The following SEL1L2 variants were observed in gnomAD, a reference collection of about 807,000 sequenced individuals.
The protein encoded by SEL1L2 is SEL1L2 adaptor subunit of SYVN1 ubiquitin ligase.
SEL1L2 carries 89 observed loss-of-function variants against 98.8 expected under a neutral mutation model. That is an observed-to-expected ratio of 0.90 (90% CI 0.76 to 1.07). The LOEUF (loss-of-function observed/expected upper bound fraction) is 1.07, where lower values mean the gene tolerates loss of function less well. Among genes scored for constraint, SEL1L2 ranks in the 50% least tolerant of loss-of-function variants. The pLI, the probability that SEL1L2 is intolerant of heterozygous loss-of-function variation, is 0.00. For missense variants in SEL1L2, 788 were observed against 812.0 expected (o/e 0.97, Z 0.36); for synonymous variants, 262 against 278.5 (o/e 0.94, Z 0.59).
intron 4 of SEL1L2, among the ~76,000 whole-genome samples, chr20:13,916,932 G>A (rs568567180): frequency 1.0e-3 from 158 of 152,238 alleles, no homozygotes; most frequent in African/African-American, 3.6e-3. Flanking sequence ...CACACTAATG[G>A]ATGGTCTGCT....
At chr20:13,995,227 C>T (rs928600409), upstream of SEL1L2, 5 of 180,666 alleles carry the variant, frequency 2.8e-5, no homozygotes, top group Non-Finnish European at 4.6e-5. This position sits in a 1 kb window ranked among gnomAD's most constrained non-coding sequence, Gnocchi z 4.3. Context: ...CTCCCTCTCC[C>T]ACTAGGCGTC....
chr20:13,851,246 A>G (rs1164278585), intron 18 of SEL1L2: 2 of 152,102 alleles, frequency 1.3e-5, no homozygotes, highest in African/African-American at 4.8e-5. Flanking sequence ...AAAAAATTGT[A>G]CAGTTCTCTA....
At position 13,859,428 on chromosome 20, in the gene SEL1L2, G is replaced by A. The variant is rs777359729; in HGVS notation, c.1652C>T (p.Ala551Val). Reference protein sequence around the residue: ...LWNRAAIQGNAFARVKIGDYH... With the variant: ...LWNRAAIQGNVFARVKIGDYH... ...ATCTCCAATTTTTACTCTAGCAAATGCATTGCCTGATAGAAATATTAGAGA... is the reference window on the plus strand; with the variant it reads ...ATCTCCAATTTTTACTCTAGCAAATACATTGCCTGATAGAAATATTAGAGA... The change falls in exon 18 of 20, where the codon GCA becomes GTA. Residue 551 changes from alanine (A) to valine (V), a missense_variant. Coordinates refer to ENST00000284951, the MANE Select transcript of SEL1L2 (RefSeq NM_025229.2). 1.9e-6 allele frequency: 3 copies of A among 1,611,882 alleles called. No individual in the cohort carries two copies. The highest frequency in any genetic ancestry group is 1.7e-6 in the Non-Finnish European group (2 of 1,178,192).
intron 10 of SEL1L2, among the ~76,000 whole-genome samples, chr20:13,879,197 C>T (rs934281677): frequency 3.9e-5 from 6 of 152,040 alleles, no homozygotes; most frequent in Non-Finnish European, 8.8e-5. Flanking sequence ...CCTGAGCAAA[C>T]GAATGGGGAT....
intron 4 of SEL1L2, among the ~76,000 whole-genome samples, chr20:13,918,452 T>C (rs1283307271): frequency 6.6e-6 from 1 of 152,158 alleles, no homozygotes; most frequent in African/African-American, 2.4e-5. Context: ...ACAGTGAACA[T>C]GGAACAAGAC....
At chr20:13,923,678 C>T (rs569858205) in intron 3 of SEL1L2, among the ~76,000 whole-genome samples, 167 of 152,268 alleles carry the variant, frequency 1.1e-3, no homozygotes, top group Admixed American at 3.6e-3. Context: ...TGCTTGAACC[C>T]GGCAGGTGGA....
intron 3 of SEL1L2, 124 bp from the exon 4 acceptor site, chr20:13,919,247 C>T (rs528853316): frequency 1.7e-6 from 1 of 604,214 alleles, no homozygotes; most frequent in Non-Finnish European, 2.8e-6. Context: ...TAAACCTCTG[C>T]ATTCAAGAAG....
intron 10 of SEL1L2, among the ~76,000 whole-genome samples, chr20:13,883,110 G>A (rs1247067075): frequency 2.0e-5 from 3 of 152,148 alleles, no homozygotes; most frequent in South Asian, 4.1e-4. Flanking sequence ...GTGAGCCACC[G>A]CGCCTGGCCT....
intron 1 of SEL1L2, among the ~76,000 whole-genome samples, chr20:13,980,459 C>T (rs530795412): frequency 2.6e-5 from 4 of 152,158 alleles, no homozygotes; most frequent in Non-Finnish European, 4.4e-5. Flanking sequence ...CCACCTGCCT[C>T]GGCCTCCCAG....
At chr20:13,888,783 C>A (rs1186926754) in intron 5 of SEL1L2, among the ~76,000 whole-genome samples, 1 of 148,316 alleles carries the variant, frequency 6.7e-6, no homozygotes, top group Admixed American at 6.8e-5. Context: ...GGACTACAGG[C>A]TCCAGCCACC....
intron 18 of SEL1L2, among the ~76,000 whole-genome samples, chr20:13,854,107 C>T (rs1328226291): frequency 6.6e-6 from 1 of 152,178 alleles, no homozygotes. Context: ...TGTAACACTC[C>T]ATGGGTGGTC....
chr20:13,980,957 T>C (rs117932517), intron 1 of SEL1L2, among the ~76,000 whole-genome samples: 3,295 of 152,072 alleles, frequency 0.022, 55 homozygotes, highest in Non-Finnish European at 0.036. Flanking sequence ...AAATAGAGAG[T>C]AGAGGCTGGG....
chr20:13,939,040 G>GTTTTTTTTT (rs386365633), intron 2 of SEL1L2, among the ~76,000 whole-genome samples: 7 of 114,064 alleles, frequency 6.1e-5, no homozygotes, highest in African/African-American at 1.7e-4. Context: ...TGCTTGTTTT[G>GTTTTTTTTT]TTTTTTTTTT....
At chr20:13,939,863 C>T (rs186052099) in intron 2 of SEL1L2, among the ~76,000 whole-genome samples, 69 of 152,162 alleles carry the variant, frequency 4.5e-4, no homozygotes, top group Middle Eastern at 3.4e-3. Context: ...GATGGGGTTT[C>T]GCCATGTTGG....
chr20:13,939,399 A>G (rs1194208769), intron 2 of SEL1L2, among the ~76,000 whole-genome samples: 1 of 152,110 alleles, frequency 6.6e-6, no homozygotes, highest in Non-Finnish European at 1.5e-5. Context: ...TTTTACTAGT[A>G]GAAAATACTT....
At chr20:13,990,675 G>T, upstream of SEL1L2, 1 of 624,508 alleles carries the variant, frequency 1.6e-6, no homozygotes, top group African/African-American at 1.9e-5. Context: ...CCAATGGGCT[G>T]CCAGAGTGTT....
rs1435996534 is a variant in SEL1L2, at chr20:13,885,486, G to A, written c.901-83C>T. 7 of 913,540 alleles carry A rather than the reference G, an allele frequency of 7.7e-6. No individual in the cohort carries two copies. In the Admixed American group the frequency reaches 1.2e-4, roughly 16 times the overall value. 56.6% of individuals were successfully genotyped at this position (913,540 alleles called of 1,614,324 possible). ...ACATTTATGTGGTGATTTTACTTTA[G>A]TATGTTGATTGTTGGACACGTTTGA... On this transcript the variant is annotated intron_variant, in intron 9 of 19. Coordinates refer to ENST00000284951, the MANE Select transcript of SEL1L2 (RefSeq NM_025229.2).
At chr20:13,917,892 T>C (rs1424059634) in intron 4 of SEL1L2, among the ~76,000 whole-genome samples, 6 of 139,738 alleles carry the variant, frequency 4.3e-5, no homozygotes, top group Admixed American at 7.8e-5. Flanking sequence ...CTCTGCCTCC[T>C]GGGTTCAAGA....
At chr20:13,964,897 TC>T (rs1208588353) in intron 1 of SEL1L2, among the ~76,000 whole-genome samples, 1 of 152,218 alleles carries the variant, frequency 6.6e-6, no homozygotes, top group Non-Finnish European at 1.5e-5. Flanking sequence ...TTACAGTCTT[TC>T]TTTTTAGACG....
Sources: allele counts gnomAD v4.1 joint callset (sites outside exome capture counted in the v4.1 genomes callset), GRCh38; gene constraint gnomAD v4.1.1; non-coding constraint Gnocchi (gnomAD v3.1); transcripts MANE v1.5; gene names NCBI Gene and HGNC (gene_info 2026-07-23, HGNC 2026-07-21).